Variants in GNAQ observed in about 807,000 individuals in gnomAD.
GNAQ encodes the protein guanine nucleotide-binding protein G(q) subunit alpha.
In GNAQ, 8 loss-of-function variants were observed where a neutral mutation model predicts 43.9. The ratio of observed to expected loss-of-function variants is 0.18; its 90% confidence interval spans 0.11 to 0.33. The LOEUF (loss-of-function observed/expected upper bound fraction) is 0.33. GNAQ is among the 10% of genes least tolerant of loss of function. GNAQ has a pLI of 1.00. For synonymous variants in GNAQ, 155 were observed against 170.7 expected (o/e 0.91, Z 0.71); for missense variants, 158 against 450.8 (o/e 0.35, Z 5.88).
intron 5 of GNAQ, among the ~76,000 whole-genome samples, chr9:77,766,494 T>G (rs1826138460): frequency 6.6e-6 from 1 of 152,224 alleles, no homozygotes; most frequent in Admixed American, 6.5e-5. Flanking sequence ...GATTTTTGAC[T>G]AAAAAATAAT....
chr9:77,867,795 AAT>A (rs1355560403), intron 2 of GNAQ, among the ~76,000 whole-genome samples: 14 of 152,336 alleles, frequency 9.2e-5, no homozygotes, highest in Non-Finnish European at 1.6e-4. Flanking sequence ...TGGCCCATCC[AAT>A]ATGGATTATT....
At chr9:77,760,079 T>TA (rs1167981644) in intron 5 of GNAQ, among the ~76,000 whole-genome samples, 14 of 150,668 alleles carry the variant, frequency 9.3e-5, no homozygotes, top group Non-Finnish European at 1.6e-4. Flanking sequence ...ATTTTTTTTT[T>TA]AATTGAGGTG....
chr9:77,975,756 T>TC, intron 1 of GNAQ, among the ~76,000 whole-genome samples: 1 of 152,082 alleles, frequency 6.6e-6, no homozygotes, highest in Non-Finnish European at 1.5e-5. Context: ...GCCAGGATGG[T>TC]TGATCTCTTG....
At position 78,011,541 on chromosome 9, in the gene GNAQ, T is replaced by C. The variant is rs529659961; in HGVS notation, c.136+19559A>G. 1.4e-3 allele frequency among the ~76,000 whole-genome samples: 220 copies of C among 152,304 alleles called. 4 individuals are homozygous for C. The highest frequency in any genetic ancestry group is 7.5e-4 in the Non-Finnish European group (51 of 68,026). On this transcript the variant is annotated intron_variant, in intron 1 of 6. Transcript: ENST00000286548. ...AGAAAATGTAACAAAATGTGCATTG[T>C]TGAAATAGGACATTCTAAAAAATAA...
chr9:77,929,717 T>C (rs1829121833), intron 1 of GNAQ, among the ~76,000 whole-genome samples: 1 of 151,980 alleles, frequency 6.6e-6, no homozygotes. Flanking sequence ...CGCCTGTAGT[T>C]CCTTCGGGAG....
At chr9:77,925,806 G>C (rs933084463) in intron 1 of GNAQ, among the ~76,000 whole-genome samples, 2 of 152,150 alleles carry the variant, frequency 1.3e-5, no homozygotes, top group African/African-American at 4.8e-5. Context: ...ATCCACAAGG[G>C]ATTGGTTCCA....
chr9:77,848,956 G>C (rs147988114), intron 2 of GNAQ, among the ~76,000 whole-genome samples: 2 of 152,292 alleles, frequency 1.3e-5, no homozygotes, highest in Non-Finnish European at 2.9e-5. Flanking sequence ...AAGGAAAAAA[G>C]GACAAATGTT....
At chr9:77,841,939 T>C (rs1386485273) in intron 2 of GNAQ, among the ~76,000 whole-genome samples, 2 of 152,176 alleles carry the variant, frequency 1.3e-5, no homozygotes, top group Non-Finnish European at 2.9e-5. Flanking sequence ...ATGGCTTCAG[T>C]TTTGGTTATC....
intron 5 of GNAQ, among the ~76,000 whole-genome samples, chr9:77,788,271 A>T (rs543875230): frequency 4.6e-5 from 7 of 152,352 alleles, no homozygotes; most frequent in Admixed American, 1.3e-4. Context: ...CAACTGGCTA[A>T]GGAGCATGTG....
At chr9:77,987,862 T>C (rs1350963765) in intron 1 of GNAQ, among the ~76,000 whole-genome samples, 1 of 151,666 alleles carries the variant, frequency 6.6e-6, no homozygotes, top group East Asian at 1.9e-4. Context: ...GAGACCCCCA[T>C]CTCTAAAAAA....
chr9:77,903,946 C>CA (rs893918242), intron 2 of GNAQ, among the ~76,000 whole-genome samples: 2 of 150,738 alleles, frequency 1.3e-5, no homozygotes, highest in African/African-American at 4.9e-5. Flanking sequence ...ACAAAACACA[C>CA]AAAAAAATCT....
chr9:77,775,955 G>GA, intron 5 of GNAQ, among the ~76,000 whole-genome samples: 1 of 152,044 alleles, frequency 6.6e-6, no homozygotes, highest in South Asian at 2.1e-4. Flanking sequence ...AAAAGAAAAA[G>GA]AAAAAAATTC....
At position 77,830,992 on chromosome 9, in the gene GNAQ, T is replaced by C. The variant is rs530758602; in HGVS notation, c.322-15222A>G. On this transcript the variant is annotated intron_variant, in intron 2 of 6. Coordinates refer to ENST00000286548, the MANE Select transcript of GNAQ (RefSeq NM_002072.5). ...AGTTAGTTTGAAAGAACAGCTGACA[T>C]CAGTGAAGATGGACACTTACTAGCA... Among the ~76,000 whole-genome samples, 13 of 152,332 alleles carry C rather than the reference T, an allele frequency of 8.5e-5. No individual in the cohort carries two copies. In the East Asian group the frequency reaches 2.5e-3, roughly 29 times the overall value.
intron 5 of GNAQ, among the ~76,000 whole-genome samples, chr9:77,759,794 G>A (rs1208473277): frequency 6.6e-6 from 1 of 152,174 alleles, no homozygotes; most frequent in Non-Finnish European, 1.5e-5. Context: ...TCTCCAAAAG[G>A]CTCAGTTTTC....
intron 2 of GNAQ, among the ~76,000 whole-genome samples, chr9:77,842,498 T>C (rs567415517): frequency 4.6e-5 from 7 of 152,250 alleles, no homozygotes; most frequent in East Asian, 3.9e-4. Flanking sequence ...AAAAACAACA[T>C]TGTTTTAGAA....
In GNAQ at chr9:77,728,677, A is replaced by AC. The variant is rs1246244272; in HGVS notation, c.736-11_736-10insG. 1 of 1,560,480 alleles carries AC rather than the reference A, an allele frequency of 6.4e-7. No individual in the cohort carries two copies. Among genetic ancestry groups the AC allele is most frequent in the East Asian group, 2.2e-5 (1 of 44,650 alleles). Reference sequence around the variant, plus strand: ...TTTCCTCCATTCGGTTCTGGAAAAAAAAAAAAAATCAGAAAAAACAAGGAG... The same window carrying AC: ...TTTCCTCCATTCGGTTCTGGAAAAAACAAAAAAAATCAGAAAAAACAAGGAG... On this transcript the variant is annotated splice_polypyrimidine_tract_variant and intron_variant, in intron 5 of 6. Coordinates refer to ENST00000286548, the MANE Select transcript of GNAQ (RefSeq NM_002072.5).
At chr9:77,727,135 A>T (rs1825409777) in intron 6 of GNAQ, among the ~76,000 whole-genome samples, 1 of 147,270 alleles carries the variant, frequency 6.8e-6, no homozygotes, top group South Asian at 2.1e-4. Context: ...CCCAGGCAGG[A>T]GTATAGTGGC....
intron 2 of GNAQ, among the ~76,000 whole-genome samples, chr9:77,908,890 A>G (rs1396544726): frequency 6.6e-6 from 1 of 152,208 alleles, no homozygotes; most frequent in Non-Finnish European, 1.5e-5. Flanking sequence ...AGAGCCTCAC[A>G]TGATTTGTAT....
At chr9:77,983,775 T>A (rs191692934) in intron 1 of GNAQ, among the ~76,000 whole-genome samples, 1 of 152,178 alleles carries the variant, frequency 6.6e-6, no homozygotes, top group African/African-American at 2.4e-5. Flanking sequence ...CAGGAGAATT[T>A]AGTGACTGAA....
Sources: allele counts gnomAD v4.1 joint callset (sites outside exome capture counted in the v4.1 genomes callset), GRCh38; gene constraint gnomAD v4.1.1; transcripts MANE v1.5; gene names NCBI Gene and HGNC (gene_info 2026-07-23, HGNC 2026-07-21).